CSMD1: variants seen among roughly 807,000 people sequenced by gnomAD.
The protein encoded by CSMD1 is CUB and Sushi multiple domains 1.
A neutral mutation model predicts 417.5 loss-of-function variants in CSMD1; 213 were observed. The ratio of observed to expected loss-of-function variants is 0.51; its 90% confidence interval spans 0.46 to 0.57. The LOEUF (loss-of-function observed/expected upper bound fraction) is 0.57. CSMD1 is among the 20% of genes least tolerant of loss of function. CSMD1 has a pLI of 0.00. For synonymous variants in CSMD1, 2,862 were observed against 1,736.8 expected, an observed-to-expected ratio of 1.65 and a Z score of -16.11; for missense variants, 6,923 against 4,529.7, an observed-to-expected ratio of 1.53 and a Z score of -15.17.
At chr8:4,764,880 A>ACAAAACAAAC (rs1277954890) in intron 1 of CSMD1, among the ~76,000 whole-genome samples, 1 of 50,768 alleles carries the variant, frequency 2.0e-5, no homozygotes, top group African/African-American at 8.1e-5. Flanking sequence ...CTCAAAAAAA[A>ACAAAACAAAC]AAAAAAAAAA....
At chr8:4,327,289 T>C (rs1448824818) in intron 3 of CSMD1, among the ~76,000 whole-genome samples, 3 of 152,206 alleles carry the variant, frequency 2.0e-5, no homozygotes, top group African/African-American at 7.2e-5. Flanking sequence ...AAGTATCTCT[T>C]TTACATTTTT....
intron 49 of CSMD1, among the ~76,000 whole-genome samples, chr8:3,069,501 G>A: frequency 6.6e-6 from 1 of 152,008 alleles, no homozygotes; most frequent in East Asian, 1.9e-4. Flanking sequence ...ACCCAGCAGG[G>A]CAGTCAGTAA....
intron 3 of CSMD1, among the ~76,000 whole-genome samples, chr8:4,163,040 C>A (rs1352537199): frequency 2.0e-5 from 3 of 152,172 alleles, no homozygotes; most frequent in Non-Finnish European, 4.4e-5. Flanking sequence ...CACTTCAGTT[C>A]ACTCTATGTC....
chr8:3,841,429 A>G (rs926750925), intron 5 of CSMD1, among the ~76,000 whole-genome samples: 1 of 152,196 alleles, frequency 6.6e-6, no homozygotes, highest in African/African-American at 2.4e-5. Context: ...AGAAAACAAC[A>G]AAACAATCTT....
At chr8:4,292,091 C>A (rs1197741461) in intron 3 of CSMD1, among the ~76,000 whole-genome samples, 1 of 152,032 alleles carries the variant, frequency 6.6e-6, no homozygotes, top group Non-Finnish European at 1.5e-5. Flanking sequence ...GGAGATATAC[C>A]AGGGAACAGG....
chr8:4,317,490 A>G (rs563836499), intron 3 of CSMD1, among the ~76,000 whole-genome samples: 16 of 152,312 alleles, frequency 1.1e-4, no homozygotes, highest in African/African-American at 3.4e-4. Context: ...TACATGCACA[A>G]TCACTATGCC....
At chr8:4,126,262 C>G (rs1802758503) in intron 3 of CSMD1, among the ~76,000 whole-genome samples, 1 of 152,152 alleles carries the variant, frequency 6.6e-6, no homozygotes, top group African/African-American at 2.4e-5. Context: ...ACACGACCGG[C>G]TCTGCATGAA....
At chr8:4,155,844 G>T (rs1056546565) in intron 3 of CSMD1, among the ~76,000 whole-genome samples, 1 of 152,212 alleles carries the variant, frequency 6.6e-6, no homozygotes, top group African/African-American at 2.4e-5. Flanking sequence ...TCTTAAATAA[G>T]GCAAAATGAA....
At chr8:4,433,167 A>C (rs190488439) in intron 2 of CSMD1, among the ~76,000 whole-genome samples, 112 of 152,196 alleles carry the variant, frequency 7.4e-4, no homozygotes, top group Non-Finnish European at 1.5e-3. Flanking sequence ...CTGATTCTGC[A>C]TTATGGCGAG....
intron 3 of CSMD1, among the ~76,000 whole-genome samples, chr8:4,102,883 G>C (rs942476501): frequency 3.3e-5 from 5 of 152,136 alleles, no homozygotes; most frequent in African/African-American, 1.2e-4. Flanking sequence ...TACCTCTGCA[G>C]TCTAAAGGTT....
intron 1 of CSMD1, among the ~76,000 whole-genome samples, chr8:4,674,965 A>G (rs1563117701): frequency 2.0e-5 from 3 of 152,166 alleles, no homozygotes; most frequent in Non-Finnish European, 1.5e-5. Context: ...CCATGAGAGG[A>G]CACGGTGAGG....
chr8:4,835,122 A>G (rs953271394), intron 1 of CSMD1, among the ~76,000 whole-genome samples: 4 of 152,058 alleles, frequency 2.6e-5, no homozygotes, highest in African/African-American at 9.7e-5. Flanking sequence ...TTTATTATTA[A>G]GGCGGCAACT....
chr8:3,228,563 G>C (rs1284486083), intron 27 of CSMD1, among the ~76,000 whole-genome samples: 2 of 152,118 alleles, frequency 1.3e-5, no homozygotes, highest in Non-Finnish European at 2.9e-5. Context: ...TTACCTTTTG[G>C]TGCGTATTGG....
intron 49 of CSMD1, among the ~76,000 whole-genome samples, chr8:3,078,780 A>T (rs1466852784): frequency 6.6e-6 from 1 of 152,190 alleles, no homozygotes; most frequent in Non-Finnish European, 1.5e-5. Flanking sequence ...CAGCTTAGTT[A>T]CCTAAACACT....
chr8:4,518,397 T>G (rs1017069227), intron 2 of CSMD1, among the ~76,000 whole-genome samples: 2 of 152,148 alleles, frequency 1.3e-5, no homozygotes, highest in Non-Finnish European at 2.9e-5. Context: ...TAAAAAACTA[T>G]ATTGAACACT....
At chr8:3,747,901 C>G (rs892496301) in intron 6 of CSMD1, among the ~76,000 whole-genome samples, 1 of 152,074 alleles carries the variant, frequency 6.6e-6, no homozygotes, top group African/African-American at 2.4e-5. Flanking sequence ...CTCAGTGTGG[C>G]GAGCTCCCTC....
At chr8:3,191,800 A>C (rs1447679371) in intron 33 of CSMD1, among the ~76,000 whole-genome samples, 1 of 152,152 alleles carries the variant, frequency 6.6e-6, no homozygotes, top group Admixed American at 6.5e-5. Flanking sequence ...GCCCTTTGAA[A>C]TTTGCTTATT....
intron 3 of CSMD1, among the ~76,000 whole-genome samples, chr8:4,234,066 T>C (rs1293525894): frequency 6.6e-6 from 1 of 152,110 alleles, no homozygotes; most frequent in African/African-American, 2.4e-5. Context: ...AAGTCAACCA[T>C]TAACCCCTGC....
At position 3,881,629 on chromosome 8, in the gene CSMD1, C is replaced by T. The variant is rs536684905; in HGVS notation, c.818+116274G>A. On this transcript the variant is annotated intron_variant, in intron 5 of 69. Transcript: ENST00000635120. ...ATCTCAAAAAAAAAAAAAACAAAAA[C>T]AAAAACAAACAAACAAACAAAAACC... Among the ~76,000 whole-genome samples, 5 of 127,172 alleles carry T rather than the reference C, an allele frequency of 3.9e-5. No individual in the cohort carries two copies. The East Asian group carries it at 1.2e-3, about 29-fold the overall frequency. The allele number at this position is 127,172 out of a possible 152,430, so 83.4% of individuals were successfully genotyped here.
Sources: allele counts gnomAD v4.1 joint callset (sites outside exome capture counted in the v4.1 genomes callset), GRCh38; gene constraint gnomAD v4.1.1; transcripts MANE v1.5; gene names NCBI Gene and HGNC (gene_info 2026-07-23, HGNC 2026-07-21).